The following NARS2 variants were observed in gnomAD, a reference collection of about 807,000 sequenced individuals.
The protein encoded by NARS2 is asparaginyl-tRNA synthetase 2, mitochondrial.
Under a neutral mutation model 62.9 loss-of-function variants are expected in NARS2, and 60 were observed. That is an observed-to-expected ratio of 0.95 (90% CI 0.77 to 1.18). NARS2 has a LOEUF of 1.18. Ranked by LOEUF, NARS2 falls within the 50% of genes most tolerant of loss-of-function variation. The probability of loss-of-function intolerance (pLI) is 0.00; values close to 1 mark genes in which losing one functional copy is unlikely to be tolerated. For missense variants in NARS2, 619 were observed against 576.4 expected (o/e 1.07, Z -0.76); for synonymous variants, 196 against 200.0 (o/e 0.98, Z 0.17).
intron 5 of NARS2, among the ~76,000 whole-genome samples, chr11:78,537,539 A>G (rs1247856210): frequency 6.6e-6 from 1 of 152,218 alleles, no homozygotes; most frequent in Non-Finnish European, 1.5e-5. Flanking sequence ...GCTCACAACT[A>G]TAATCCCAGC....
intron 13 of NARS2, among the ~76,000 whole-genome samples, chr11:78,437,969 T>C (rs1222602092): frequency 1.0e-5 from 1 of 97,774 alleles, no homozygotes. Context: ...AGTGAGATTC[T>C]GTATCAAAAA....
intron 5 of NARS2, among the ~76,000 whole-genome samples, chr11:78,539,211 G>A (rs1855515526): frequency 1.3e-5 from 2 of 151,674 alleles, no homozygotes; most frequent in Non-Finnish European, 2.9e-5. Flanking sequence ...GATAAGAGTA[G>A]AAGTAGGGGC....
chr11:78,491,214 T>C (rs1859804865), intron 7 of NARS2, among the ~76,000 whole-genome samples: 1 of 152,208 alleles, frequency 6.6e-6, no homozygotes, highest in Non-Finnish European at 1.5e-5. Flanking sequence ...CTGTGCACTT[T>C]AGGTTGTTGA....
intron 6 of NARS2, among the ~76,000 whole-genome samples, chr11:78,511,202 T>C (rs1860708654): frequency 6.6e-6 from 1 of 152,170 alleles, no homozygotes; most frequent in African/African-American, 2.4e-5. Context: ...CTCAGCTTTC[T>C]GGGTAGCTGA....
chr11:78,502,053 G>A (rs1489714387), intron 6 of NARS2, among the ~76,000 whole-genome samples: 3 of 152,170 alleles, frequency 2.0e-5, no homozygotes, highest in Admixed American at 1.3e-4. Context: ...TAGGCTAAGT[G>A]AAAGAAGCTA....
At chr11:78,457,937 T>C (rs1445327665) in intron 11 of NARS2, among the ~76,000 whole-genome samples, 1 of 152,144 alleles carries the variant, frequency 6.6e-6, no homozygotes, top group East Asian at 1.9e-4. Context: ...AAACATTTTT[T>C]GAGCTCATGG....
At chr11:78,463,843 T>A (rs1186684668) in intron 11 of NARS2, among the ~76,000 whole-genome samples, 4 of 151,862 alleles carry the variant, frequency 2.6e-5, no homozygotes, top group African/African-American at 9.7e-5. Flanking sequence ...AGACTGCCTG[T>A]ATCCCTTCAT....
At chr11:78,551,523 T>C (rs950489766) in intron 5 of NARS2, among the ~76,000 whole-genome samples, 4 of 152,200 alleles carry the variant, frequency 2.6e-5, no homozygotes, top group African/African-American at 9.6e-5. Flanking sequence ...TTTTATGGTA[T>C]GTGAGATATG....
chr11:78,545,998 AATTTAGCG>A (rs1379201026), intron 5 of NARS2, among the ~76,000 whole-genome samples: 1 of 152,184 alleles, frequency 6.6e-6, no homozygotes, highest in Non-Finnish European at 1.5e-5. Context: ...ATCATTCTAA[AATTTAGCG>A]GCTTAAAATG....
intron 9 of NARS2, 59 bp downstream of exon 9, chr11:78,478,379 T>C (rs1327366086): frequency 1.8e-5 from 13 of 732,974 alleles, no homozygotes; most frequent in East Asian, 3.4e-5. Context: ...AAAATTATAA[T>C]ATAGTGTGAT....
intron 10 of NARS2, among the ~76,000 whole-genome samples, chr11:78,467,859 G>C (rs551063437): frequency 6.6e-6 from 1 of 151,914 alleles, no homozygotes; most frequent in East Asian, 1.9e-4. Flanking sequence ...TTTTGTTGTT[G>C]TTCTTCGAGA....
chr11:78,503,048 A>C (rs1860345962), intron 6 of NARS2, among the ~76,000 whole-genome samples: 1 of 151,700 alleles, frequency 6.6e-6, no homozygotes, highest in Non-Finnish European at 1.5e-5. Context: ...CACTTTACAC[A>C]CATTTCATTT....
intron 9 of NARS2, among the ~76,000 whole-genome samples, chr11:78,473,224 G>A (rs1054312834): frequency 5.3e-5 from 8 of 152,106 alleles, no homozygotes; most frequent in African/African-American, 1.9e-4. Flanking sequence ...AACAACAAAA[G>A]GACTAACATT....
chr11:78,488,245 A>C (rs1859661468), intron 7 of NARS2, among the ~76,000 whole-genome samples: 1 of 152,000 alleles, frequency 6.6e-6, no homozygotes, highest in Non-Finnish European at 1.5e-5. Context: ...AAAAAAAAAA[A>C]AAAAAAAACT....
rs905304527 is a variant in NARS2, at chr11:78,548,366, G to A, written c.594+11173C>T. 2.7e-5 allele frequency among the ~76,000 whole-genome samples: 4 copies of A among 150,780 alleles called. No individual in the cohort carries two copies. The East Asian group carries it at 7.7e-4, about 29-fold the overall frequency. ...ACATACCATCTAAAAACGTTTAAAAGAAAATAGGTAAGAGTAATCAAAAAG... is the reference window on the plus strand; with the variant it reads ...ACATACCATCTAAAAACGTTTAAAAAAAAATAGGTAAGAGTAATCAAAAAG... On this transcript the variant is annotated intron_variant, in intron 5 of 13. Transcript: ENST00000281038.
At chr11:78,570,369 A>G (rs1856882088) in intron 2 of NARS2, among the ~76,000 whole-genome samples, 1 of 152,136 alleles carries the variant, frequency 6.6e-6, no homozygotes, top group Non-Finnish European at 1.5e-5. Context: ...GCTGATACCT[A>G]ACATTAAAAT....
At chr11:78,440,372 C>A (rs1308848669) in intron 13 of NARS2, among the ~76,000 whole-genome samples, 1 of 148,400 alleles carries the variant, frequency 6.7e-6, no homozygotes, top group African/African-American at 2.5e-5. Flanking sequence ...CCGAGCCAAG[C>A]ATTTTGATTC....
In NARS2 at chr11:78,481,939, C is replaced by T. The variant is rs1247908501; in HGVS notation, c.823-3256G>A. Reference sequence around the variant, plus strand: ...TCAAGAACGGTATATACCCTGACTACCACCAGCGGAGTACCAAATAAATAA... The same window carrying T: ...TCAAGAACGGTATATACCCTGACTATCACCAGCGGAGTACCAAATAAATAA... On this transcript the variant is annotated intron_variant, in intron 7 of 13. Coordinates refer to ENST00000281038, the MANE Select transcript of NARS2 (RefSeq NM_024678.6). Among the ~76,000 whole-genome samples the T allele has an allele frequency of 2.0e-5, 3 of 152,192 alleles. No homozygotes were observed. The East Asian group carries it at 5.8e-4, about 29-fold the overall frequency.
chr11:78,482,351 G>A lies in NARS2; in HGVS notation c.823-3668C>T, dbSNP rs185441691. Among the ~76,000 whole-genome samples, 3 of 152,028 alleles carry A rather than the reference G, an allele frequency of 2.0e-5. No homozygotes were observed. In the East Asian group the frequency reaches 5.8e-4, roughly 29 times the overall value. ...AATTAAAAGAACTAGAGAAGCAAGA[G>A]CAAACAAATTCAAAAGCTAGCAGAA... On this transcript the variant is annotated intron_variant, in intron 7 of 13. Coordinates refer to ENST00000281038, the MANE Select transcript of NARS2 (RefSeq NM_024678.6).
Sources: gnomAD v4.1 joint callset for allele counts (sites outside exome capture counted in the v4.1 genomes callset) on GRCh38, gnomAD v4.1.1 for gene constraint, MANE v1.5 for transcripts, NCBI Gene and HGNC (gene_info 2026-07-23, HGNC 2026-07-21) for gene names.